SCARB1: variants seen among roughly 807,000 people sequenced by gnomAD.
The protein encoded by SCARB1 is CD36 and LIMPII analogous 1.
SCARB1 carries 30 observed loss-of-function variants against 57.2 expected under a neutral mutation model. The observed-to-expected ratio is 0.52, with a 90% CI of 0.39 to 0.71. The LOEUF (loss-of-function observed/expected upper bound fraction) is 0.71. Ranked by LOEUF, SCARB1 falls within the 30% of genes least tolerant of loss-of-function variation. The pLI, the probability that SCARB1 is intolerant of heterozygous loss-of-function variation, is 0.00. For missense variants in SCARB1, 543 were observed against 671.2 expected, an observed-to-expected ratio of 0.81 and a Z score of 2.11; for synonymous variants, 249 against 268.3, an observed-to-expected ratio of 0.93 and a Z score of 0.70.
chr12:124,821,143 T>G (rs1315152494), intron 1 of SCARB1, among the ~76,000 whole-genome samples: 2 of 151,456 alleles, frequency 1.3e-5, no homozygotes, highest in Non-Finnish European at 2.9e-5. Flanking sequence ...GAGGCTGAGG[T>G]GGGAGGATGA....
At chr12:124,835,179 G>A (rs772493590) in intron 1 of SCARB1, among the ~76,000 whole-genome samples, 16 of 152,174 alleles carry the variant, frequency 1.1e-4, no homozygotes, top group Non-Finnish European at 2.2e-4. Flanking sequence ...ATGGAGGCAC[G>A]TGCAGAAGGC....
At position 124,821,627 on chromosome 12, in the gene SCARB1, G is replaced by A. The variant is rs565028657; in HGVS notation, c.127-3920C>T. The A allele has an allele frequency of 1.3e-5, 10 of 771,290 alleles. No individual in the cohort carries two copies. The South Asian group carries it at 2.9e-4, about 23-fold the overall frequency. 47.8% of individuals were successfully genotyped at this position (771,290 alleles called of 1,614,324 possible). A position where few individuals can be genotyped will look rare whatever the true frequency, so the allele number is the denominator to read the frequency against. ...CAGGGATGGGTCACTGACCTTCTCC[G>A]AGTCTCAGTTTCCTCAACCATACAA... On this transcript the variant is annotated intron_variant, in intron 1 of 12. Coordinates refer to ENST00000261693, the MANE Select transcript of SCARB1 (RefSeq NM_005505.5).
At chr12:124,854,209 T>G (rs1594399330) in intron 1 of SCARB1, among the ~76,000 whole-genome samples, 1 of 150,812 alleles carries the variant, frequency 6.6e-6, no homozygotes, top group Non-Finnish European at 1.5e-5. Flanking sequence ...CAGGGGAGGG[T>G]CTCCGTGAGC....
intron 12 of SCARB1, 79 bp downstream of exon 12, chr12:124,782,604 C>T: frequency 2.1e-6 from 3 of 1,404,022 alleles, no homozygotes; most frequent in South Asian, 2.4e-5. Flanking sequence ...ATGAGCAGGA[C>T]CCCAAATGTT....
chr12:124,851,881 A>G (rs1401758646), intron 1 of SCARB1, among the ~76,000 whole-genome samples: 1 of 152,138 alleles, frequency 6.6e-6, no homozygotes, highest in Non-Finnish European at 1.5e-5. Flanking sequence ...TGCCGGGATT[A>G]CAGGCATGAC....
At chr12:124,837,459 GA>G (rs1317958738) in intron 1 of SCARB1, among the ~76,000 whole-genome samples, 6 of 63,718 alleles carry the variant, frequency 9.4e-5, no homozygotes, top group African/African-American at 2.9e-4. Context: ...AAGAAAGAAG[GA>G]AAGAAAGAAA....
chr12:124,819,431 G>T (rs1711737109), intron 1 of SCARB1, among the ~76,000 whole-genome samples: 1 of 152,240 alleles, frequency 6.6e-6, no homozygotes. Context: ...CAAAAACATG[G>T]TTTTCTTAAA....
chr12:124,863,516 C>A, intron 1 of SCARB1, 79 bp downstream of exon 1: 2 of 1,495,222 alleles, frequency 1.3e-6, no homozygotes, highest in Non-Finnish European at 1.8e-6. Flanking sequence ...CCACCCACCG[C>A]AACGCGCGGG....
At chr12:124,803,562 T>C (rs897717) in intron 7 of SCARB1, among the ~76,000 whole-genome samples, 24,072 of 151,600 alleles carry the variant, frequency 0.16, 3,926 homozygotes, top group East Asian at 0.44. Context: ...AGTGATACCC[T>C]GTCTCAAAAA....
intron 2 of SCARB1, among the ~76,000 whole-genome samples, chr12:124,815,351 C>T (rs898433564): frequency 7.2e-5 from 11 of 152,218 alleles, no homozygotes; most frequent in African/African-American, 2.4e-4. Context: ...CCACCCAACA[C>T]GGCCATCGTC....
chr12:124,799,993 C>T, intron 8 of SCARB1, 131 bp downstream of exon 8: 1 of 749,858 alleles, frequency 1.3e-6, no homozygotes, highest in South Asian at 1.5e-5. Context: ...ACTTTGGTGG[C>T]TCGAGATTCT....
intron 1 of SCARB1, among the ~76,000 whole-genome samples, chr12:124,862,074 C>A (rs966815064): frequency 6.6e-6 from 1 of 152,216 alleles, no homozygotes; most frequent in African/African-American, 2.4e-5. Flanking sequence ...AGTGATAGCC[C>A]CTCTAGGGAC....
In SCARB1 at chr12:124,817,122, A is replaced by ATGTATGTGTGTATGTGTATG. The variant is rs1950761975; in HGVS notation, c.284+408_284+427dup. The stretch of plus-strand genomic sequence containing the variant: ...TGTATGTGTATGTACGTGTGTATGT[A>ATGTATGTGTGTATGTGTATG]TGTATGTGTGTATGTGTATGTGTAT... On this transcript the variant is annotated intron_variant, in intron 2 of 12. Transcript: ENST00000261693. The surrounding 1 kb of genome is among the most constrained non-coding windows in gnomAD (Gnocchi z 4.8). 8.3e-6 allele frequency among the ~76,000 whole-genome samples: 1 copy of ATGTATGTGTGTATGTGTATG among 120,966 alleles called. No homozygotes were observed. The highest frequency in any genetic ancestry group is 8.5e-5 in the Admixed American group (1 of 11,764). The allele number at this position is 120,966 out of a possible 152,430, so 79.4% of individuals were successfully genotyped here. A position where few individuals can be genotyped will look rare whatever the true frequency, so the allele number is the denominator to read the frequency against.
rs536595321 is a variant in SCARB1 at position 124,796,983 on chromosome 12, G to T, written c.1129-1715C>A. 6.6e-6 allele frequency among the ~76,000 whole-genome samples: 1 copy of T among 152,204 alleles called. No individual in the cohort carries two copies. Among genetic ancestry groups the T allele is most frequent in the African/African-American group, 2.4e-5 (1 of 41,440 alleles). The stretch of plus-strand genomic sequence containing the variant: ...CCGAAATTATTTGTACAAACAATAT[G>T]GTTCTTGCTCAGCACCTGCTTTCCT... On this transcript the variant is annotated intron_variant, in intron 8 of 12. Coordinates refer to ENST00000261693, the MANE Select transcript of SCARB1 (RefSeq NM_005505.5). This position sits in a 1 kb window ranked among gnomAD's most constrained non-coding sequence, Gnocchi z 4.0.
intron 9 of SCARB1, among the ~76,000 whole-genome samples, chr12:124,794,719 C>T (rs200802264): frequency 1.3e-5 from 2 of 152,056 alleles, no homozygotes; most frequent in African/African-American, 4.8e-5. Flanking sequence ...TCACTTGAGG[C>T]CAGGAGTTTG....
chr12:124,789,988 C>T lies in SCARB1; in HGVS notation c.1203-2531G>A, dbSNP rs145397020. Among the ~76,000 whole-genome samples, 1,743 of 138,128 alleles carry T rather than the reference C, an allele frequency of 0.013. 17 individuals are homozygous for T. Among genetic ancestry groups the T allele is most frequent in the Admixed American group, 0.018 (230 of 13,022 alleles). The allele number at this position is 138,128 out of a possible 152,430, so 90.6% of individuals were successfully genotyped here. ...ATCATGCCATTGCACTCCAGCCTGGCGACAGAGTGAGACTCCGTCTCAAAA... is the reference window on the plus strand; with the variant it reads ...ATCATGCCATTGCACTCCAGCCTGGTGACAGAGTGAGACTCCGTCTCAAAA... On this transcript the variant is annotated intron_variant, in intron 9 of 12. Coordinates refer to ENST00000261693, the MANE Select transcript of SCARB1 (RefSeq NM_005505.5). This position sits in a 1 kb window ranked among gnomAD's most constrained non-coding sequence, Gnocchi z 4.4.
intron 1 of SCARB1, among the ~76,000 whole-genome samples, chr12:124,860,060 C>T (rs985691603): frequency 5.3e-5 from 8 of 151,066 alleles, no homozygotes; most frequent in African/African-American, 1.9e-4. Context: ...AAGCTATTCT[C>T]CTGCTTCAGC....
At chr12:124,850,977 C>A (rs1273444585) in intron 1 of SCARB1, among the ~76,000 whole-genome samples, 1 of 152,186 alleles carries the variant, frequency 6.6e-6, no homozygotes, top group Admixed American at 6.5e-5. Flanking sequence ...TACTTCCCTC[C>A]CTGGCTCCAA....
chr12:124,810,807 G>C lies in SCARB1; in HGVS notation c.727-518C>G, dbSNP rs2135660041. On this transcript the variant is annotated intron_variant, in intron 5 of 12. Transcript: ENST00000261693. This position sits in a 1 kb window ranked among gnomAD's most constrained non-coding sequence, Gnocchi z 4.0. ...TTCCAATCTTCTGTATGATGAGGAT[G>C]TTTAAAATCACGTGCACATGTACAG... is the stretch of plus-strand genomic sequence containing the variant. 6.6e-6 allele frequency among the ~76,000 whole-genome samples: 1 copy of C among 152,294 alleles called. No homozygotes were observed. Among genetic ancestry groups the C allele is most frequent in the South Asian group, 2.1e-4 (1 of 4,816 alleles).
Sources: gnomAD v4.1 joint callset for allele counts (sites outside exome capture counted in the v4.1 genomes callset) on GRCh38, gnomAD v4.1.1 for gene constraint, Gnocchi (gnomAD v3.1) non-coding constraint, MANE v1.5 for transcripts, NCBI Gene and HGNC (gene_info 2026-07-23, HGNC 2026-07-21) for gene names.